WDR27: variants seen among roughly 807,000 people sequenced by gnomAD.
WDR27 encodes WD repeat domain 27.
WDR27 carries 100 observed loss-of-function variants against 114.4 expected under a neutral mutation model. That is an observed-to-expected ratio of 0.87 (90% CI 0.74 to 1.03). The LOEUF is 1.03. Ranked by LOEUF, WDR27 falls within the 50% of genes least tolerant of loss-of-function variation. The pLI is 0.00. For synonymous variants in WDR27, 449 were observed against 423.1 expected (o/e 1.06, Z -0.75); for missense variants, 1,129 against 1,092.9 (o/e 1.03, Z -0.47).
intron 22 of WDR27, among the ~76,000 whole-genome samples, chr6:169,607,793 AG>A (rs1809559587): frequency 1.3e-5 from 2 of 152,214 alleles, no homozygotes; most frequent in Admixed American, 1.3e-4. Flanking sequence ...AAAATAAATA[AG>A]CAATAATCAC....
chr6:169,531,655 G>GTTT (rs11342717), intron 25 of WDR27, among the ~76,000 whole-genome samples: 2 of 133,040 alleles, frequency 1.5e-5, no homozygotes, highest in African/African-American at 5.6e-5. Context: ...TAAACAGTTT[G>GTTT]TTTTTTTTTT....
chr6:169,613,749 T>A, intron 21 of WDR27, 93 bp from the exon 22 acceptor site: 1 of 1,138,442 alleles, frequency 8.8e-7, no homozygotes, highest in Non-Finnish European at 1.2e-6. Context: ...GATTCTCAAG[T>A]AAGATATTAA....
At chr6:169,634,338 C>T (rs1391356284) in intron 20 of WDR27, 90 bp downstream of exon 20, 1 of 919,868 alleles carries the variant, frequency 1.1e-6, no homozygotes, top group South Asian at 1.6e-5. Flanking sequence ...CACACAATGC[C>T]TGACACTCAC....
chr6:169,598,057 G>T (rs1244671137), intron 23 of WDR27, among the ~76,000 whole-genome samples: 1 of 151,956 alleles, frequency 6.6e-6, no homozygotes, highest in Non-Finnish European at 1.5e-5. Flanking sequence ...GTTAAACCAG[G>T]GTTTGTGTAG....
intron 25 of WDR27, among the ~76,000 whole-genome samples, chr6:169,549,179 T>C (rs977652046): frequency 3.3e-5 from 5 of 151,996 alleles, no homozygotes; most frequent in African/African-American, 4.8e-5. Flanking sequence ...ATCTAATATA[T>C]ACAAAAGAAA....
chr6:169,636,467 T>C lies in WDR27; in HGVS notation c.1907A>G (p.Gln636Arg), dbSNP rs1256468602. 3.7e-6 allele frequency: 6 copies of C among 1,613,658 alleles called. No homozygotes were observed. In the Admixed American group the frequency reaches 5.0e-5, roughly 13 times the overall value. ...DMFSKPIQSAQFYYIDAFILL... is the reference protein window; with the variant it reads ...DMFSKPIQSARFYYIDAFILL... ...TATAAAGGCATCTATATAATAGAAC[T>C]GTGCAGACTGTATAGGTTTAGAAAA... Residue 636 changes from glutamine (Q) to arginine (R), a missense_variant, in exon 19 of 26, where the codon CAG becomes CGG. Gln to Arg is a conservative substitution (Grantham distance 43). Transcript: ENST00000448612.
At chr6:169,586,145 G>A (rs553502076) in intron 23 of WDR27, among the ~76,000 whole-genome samples, 2 of 152,216 alleles carry the variant, frequency 1.3e-5, no homozygotes, top group African/African-American at 4.8e-5. Flanking sequence ...CTCTGGTGTG[G>A]TGTCTGTTAG....
chr6:169,606,267 CAAAT>C (rs1230805230), intron 22 of WDR27, among the ~76,000 whole-genome samples: 1 of 152,116 alleles, frequency 6.6e-6, no homozygotes, highest in East Asian at 1.9e-4. Context: ...AAAAATACCA[CAAAT>C]AAATCCATTA....
At chr6:169,515,040 A>ATTTT (rs1310203621) in intron 25 of WDR27, among the ~76,000 whole-genome samples, 1 of 151,544 alleles carries the variant, frequency 6.6e-6, no homozygotes, top group Non-Finnish European at 1.5e-5. Context: ...CTAAAATTAA[A>ATTTT]TTTAAAAGAC....
At chr6:169,648,231 T>C (rs924299992) in intron 15 of WDR27, among the ~76,000 whole-genome samples, 2 of 152,178 alleles carry the variant, frequency 1.3e-5, no homozygotes, top group African/African-American at 4.8e-5. Flanking sequence ...TGGGTGGCGT[T>C]GTAATGCTAA....
At chr6:169,550,117 A>G (rs1162986096) in intron 25 of WDR27, among the ~76,000 whole-genome samples, 1 of 152,226 alleles carries the variant, frequency 6.6e-6, no homozygotes. Flanking sequence ...ACAGGGGGCC[A>G]GGAGGCACAA....
chr6:169,562,133 G>C (rs1337972010), intron 25 of WDR27, among the ~76,000 whole-genome samples: 1 of 152,154 alleles, frequency 6.6e-6, no homozygotes, highest in African/African-American at 2.4e-5. Flanking sequence ...TGTCAATCCT[G>C]GAAAGGACAA....
chr6:169,470,492 A>T (rs949105063), intron 25 of WDR27, among the ~76,000 whole-genome samples: 1 of 152,234 alleles, frequency 6.6e-6, no homozygotes, highest in African/African-American at 2.4e-5. Flanking sequence ...ACATGGCTTG[A>T]AAAATAGAAA....
At chr6:169,426,886 CG>C in the WDR27 span, 3 of 137,992 alleles carry the variant, frequency 2.2e-5, no homozygotes, top group Non-Finnish European at 4.6e-5. Context: ...GGCCTCCTGA[CG>C]AGGGCAGGGG....
At chr6:169,617,086 G>T (rs1002000975) in intron 21 of WDR27, among the ~76,000 whole-genome samples, 3 of 152,120 alleles carry the variant, frequency 2.0e-5, no homozygotes, top group Non-Finnish European at 4.4e-5. Flanking sequence ...CATCCTTGTG[G>T]GGGATCAATA....
the WDR27 span, among the ~76,000 whole-genome samples, chr6:169,439,265 C>G: frequency 2.0e-5 from 3 of 152,268 alleles, no homozygotes; most frequent in South Asian, 6.2e-4. Flanking sequence ...TCTGATGGTT[C>G]TTACTGTGAT....
intron 2 of WDR27, among the ~76,000 whole-genome samples, chr6:169,677,748 C>T (rs573974527): frequency 1.3e-5 from 2 of 152,250 alleles, no homozygotes; most frequent in Non-Finnish European, 2.9e-5. Flanking sequence ...ATGGTTTTGA[C>T]GGCCAGGGCC....
chr6:169,430,517 C>T, the WDR27 span, among the ~76,000 whole-genome samples: 8 of 152,138 alleles, frequency 5.3e-5, no homozygotes, highest in Non-Finnish European at 7.4e-5. Flanking sequence ...CCCCAAGTGC[C>T]GGAAACCTAG....
At chr6:169,480,453 C>T (rs1400651755) in intron 25 of WDR27, among the ~76,000 whole-genome samples, 1 of 152,270 alleles carries the variant, frequency 6.6e-6, no homozygotes, top group Non-Finnish European at 1.5e-5. Context: ...TGGTGGTCAG[C>T]TCTGCCTAAG....
Sources: allele counts gnomAD v4.1 joint callset (sites outside exome capture counted in the v4.1 genomes callset), GRCh38; gene constraint gnomAD v4.1.1; transcripts MANE v1.5; gene names NCBI Gene and HGNC (gene_info 2026-07-23, HGNC 2026-07-21).